TDRD9: variants seen among roughly 807,000 people sequenced by gnomAD.
TDRD9 encodes the protein ATP-dependent RNA helicase TDRD9.
TDRD9 carries 124 observed loss-of-function variants against 172.6 expected under a neutral mutation model. The ratio of observed to expected loss-of-function variants is 0.72; its 90% CI spans 0.62 to 0.83. The LOEUF (loss-of-function observed/expected upper bound fraction) is 0.83. Among genes scored for constraint, TDRD9 ranks in the 40% least tolerant of loss-of-function variants. TDRD9 has a pLI of 0.00. For missense variants in TDRD9, 1,479 were observed against 1,714.1 expected (o/e 0.86, Z 2.42); for synonymous variants, 619 against 617.1 (o/e 1.00, Z -0.05).
rs1240238470 is a variant in TDRD9, at chr14:103,943,423, GTA to G, written c.216-12234_216-12233del. 1.8e-4 allele frequency among the ~76,000 whole-genome samples: 27 copies of G among 149,312 alleles called. 1 individual carries two copies. The highest frequency in any genetic ancestry group is 1.4e-3 in the Admixed American group (21 of 14,918). Reference sequence around the variant, plus strand: ...TACATATATGTATATATACACATAAGTATATATACGCATATGTATATGTATTA... The same window carrying G: ...TACATATATGTATATATACACATAAGTATATACGCATATGTATATGTATTA... On this transcript the variant is annotated intron_variant, in intron 1 of 35. Coordinates refer to ENST00000409874, the MANE Select transcript of TDRD9 (RefSeq NM_153046.3).
Position 104,006,857 on chromosome 14 carries a change from G to A in TDRD9, c.2007+12G>A. ...TTGAGGCATTTAAAGTAAGTTTTCT[G>A]TTGTGTAAACCATGAAAGCAGCTAC... On this transcript the variant is annotated intron_variant, in intron 18 of 35. Transcript: ENST00000409874. 2 of 1,607,872 alleles carry A rather than the reference G, an allele frequency of 1.2e-6. No individual in the cohort carries two copies. The highest frequency in any genetic ancestry group is 1.7e-6 in the Non-Finnish European group (2 of 1,176,234).
intron 6 of TDRD9, among the ~76,000 whole-genome samples, chr14:103,973,728 G>T (rs1360890713): frequency 6.6e-6 from 1 of 152,184 alleles, no homozygotes; most frequent in East Asian, 1.9e-4. Context: ...ACTGGGGTGT[G>T]TCCCTTAGGA....
chr14:104,032,121 T>C (rs2035300562), intron 30 of TDRD9, 34 bp downstream of exon 30: 1 of 1,328,400 alleles, frequency 7.5e-7, no homozygotes, highest in East Asian at 2.5e-5. Flanking sequence ...TGAATTTTTT[T>C]TCTCTGCTTT....
At chr14:104,023,021 A>G (rs2035010509) in intron 24 of TDRD9, among the ~76,000 whole-genome samples, 1 of 151,794 alleles carries the variant, frequency 6.6e-6, no homozygotes, top group South Asian at 2.1e-4. Flanking sequence ...CTCTACCAAA[A>G]ATACAAAAAA....
chr14:103,992,388 T>C (rs1290878646), intron 9 of TDRD9, among the ~76,000 whole-genome samples: 1 of 152,262 alleles, frequency 6.6e-6, no homozygotes, highest in Non-Finnish European at 1.5e-5. Context: ...ACTTTTGTCA[T>C]GTTTTGCTTA....
At chr14:103,942,248 A>T (rs1201450444) in intron 1 of TDRD9, 5 of 152,680 alleles carry the variant, frequency 3.3e-5, no homozygotes, top group Non-Finnish European at 2.9e-5. Flanking sequence ...TTTGAAATAA[A>T]TAACTTTCTG....
intron 27 of TDRD9, 24 bp from the exon 28 acceptor site, chr14:104,026,655 A>C (rs1263883977): frequency 6.2e-7 from 1 of 1,610,400 alleles, no homozygotes; most frequent in Admixed American, 1.7e-5. Flanking sequence ...AAGCTGTTTG[A>C]GCTGTGCCCT....
chr14:103,982,322 A>G (rs1367835795), intron 7 of TDRD9, among the ~76,000 whole-genome samples: 1 of 151,092 alleles, frequency 6.6e-6, no homozygotes, highest in Non-Finnish European at 1.5e-5. Context: ...CTACTTTTCT[A>G]CCTCCCGCAG....
intron 24 of TDRD9, among the ~76,000 whole-genome samples, chr14:104,022,609 C>A (rs1286292177): frequency 1.3e-5 from 2 of 152,112 alleles, no homozygotes; most frequent in South Asian, 2.1e-4. Context: ...CACCTTTAAT[C>A]CCACCTACTC....
At chr14:103,929,827 A>G (rs781749865) in intron 1 of TDRD9, among the ~76,000 whole-genome samples, 10 of 152,068 alleles carry the variant, frequency 6.6e-5, no homozygotes, top group Non-Finnish European at 1.2e-4. Flanking sequence ...GCCTGCTTCC[A>G]AGTTTTGGCA....
chr14:104,026,819 G>C lies in TDRD9; in HGVS notation c.3162G>C (p.Val1054=). 1 of 1,614,048 alleles carries C rather than the reference G, an allele frequency of 6.2e-7. No homozygotes were observed. ...CTLLVKVFSV[V]HSVLHVDVYQ... ...TCCTTGTGAAGGTCTTCTCTGTGGT[G>C]CACAGCGTCCTGCACGTGGATGTGT... is the stretch of plus-strand genomic sequence containing the variant. The change falls in exon 28 of 36, where the codon GTG becomes GTC. Residue 1054 remains valine, a synonymous_variant. Coordinates refer to ENST00000409874, the MANE Select transcript of TDRD9 (RefSeq NM_153046.3).
chr14:103,956,140 ATATATATAT>A (rs2032224204), intron 2 of TDRD9, among the ~76,000 whole-genome samples: 2 of 114,638 alleles, frequency 1.7e-5, no homozygotes, highest in African/African-American at 3.7e-5. Context: ...ATATATATAT[ATATATATAT>A]AATTATTAGG....
chr14:104,048,224 T>C (rs940048678), intron 34 of TDRD9, among the ~76,000 whole-genome samples: 1 of 152,190 alleles, frequency 6.6e-6, no homozygotes, highest in African/African-American at 2.4e-5. Flanking sequence ...TGGGTTCTGC[T>C]GTTTTGTTAT....
At chr14:104,009,613 AGCT>A (rs1295331991) in intron 20 of TDRD9, among the ~76,000 whole-genome samples, 1 of 152,238 alleles carries the variant, frequency 6.6e-6, no homozygotes, top group East Asian at 1.9e-4. Context: ...AATTAATTGT[AGCT>A]TAATATAACT....
At chr14:103,986,459 T>A in intron 8 of TDRD9, 139 bp downstream of exon 8, 2 of 636,400 alleles carry the variant, frequency 3.1e-6, no homozygotes, top group Non-Finnish European at 5.2e-6. Context: ...TATTTTAAAA[T>A]CAGGTTAGTA....
chr14:103,950,004 C>T (rs747949000), intron 1 of TDRD9, among the ~76,000 whole-genome samples: 1 of 62,856 alleles, frequency 1.6e-5, no homozygotes, highest in East Asian at 4.6e-4. Context: ...AAATCAGGCC[C>T]TGCCCTGCCC....
intron 5 of TDRD9, among the ~76,000 whole-genome samples, chr14:103,967,732 TG>T (rs758620473): frequency 1.3e-5 from 2 of 152,168 alleles, no homozygotes; most frequent in Non-Finnish European, 2.9e-5. Flanking sequence ...AGGGTGAAAA[TG>T]ATCTACTGTT....
chr14:104,012,788 C>T (rs1821692229), intron 20 of TDRD9, among the ~76,000 whole-genome samples: 2 of 152,218 alleles, frequency 1.3e-5, no homozygotes, highest in South Asian at 4.2e-4. Flanking sequence ...GACTGGAATG[C>T]AGTGGCATAA....
chr14:104,005,377 T>G lies in TDRD9; in HGVS notation c.1685T>G (p.Ile562Ser). The G allele has an allele frequency of 6.2e-7, 1 of 1,613,962 alleles. No individual in the cohort carries two copies. The highest frequency in any genetic ancestry group is 8.5e-7 in the Non-Finnish European group (1 of 1,179,886). Reference sequence around the variant, plus strand: ...CTTTCCCCGCCTGGTCTGAGTGACATTGAGCGCACCATCCTTCTACTAAAG... The same window carrying G: ...CTTTCCCCGCCTGGTCTGAGTGACAGTGAGCGCACCATCCTTCTACTAAAG... ...TALSPPGLSD[I>S]ERTILLLKEV... is the part of the protein sequence containing the mutation. Residue 562 changes from isoleucine to serine, a missense_variant, in exon 15 of 36, where the codon ATT (isoleucine) becomes AGT (serine). Ile to Ser is a moderately radical substitution (Grantham distance 142, BLOSUM62 -2). Coordinates refer to ENST00000409874, the MANE Select transcript of TDRD9 (RefSeq NM_153046.3).
Sources: gnomAD v4.1 joint callset for allele counts (sites outside exome capture counted in the v4.1 genomes callset) on GRCh38, gnomAD v4.1.1 for gene constraint, MANE v1.5 for transcripts, NCBI Gene and HGNC (gene_info 2026-07-23, HGNC 2026-07-21) for gene names.